ROBO2: variants seen among roughly 807,000 people sequenced by gnomAD.
The protein encoded by ROBO2 is roundabout guidance receptor 2, also known as roundabout homolog 2.
Under a neutral mutation model 160.8 loss-of-function variants are expected in ROBO2, and 53 were observed. The ratio of observed to expected loss-of-function variants is 0.33; its 90% CI spans 0.26 to 0.41. The LOEUF (loss-of-function observed/expected upper bound fraction) is 0.41, where lower values mean the gene tolerates loss of function less well. ROBO2 is among the 10% of genes least tolerant of loss of function. The probability of loss-of-function intolerance (pLI) is 1.00; values close to 1 mark genes in which losing one functional copy is unlikely to be tolerated. For synonymous variants in ROBO2, 664 were observed against 611.7 expected (o/e 1.09, Z -1.26); for missense variants, 1,577 against 1,722.4 (o/e 0.92, Z 1.49).
At chr3:76,342,024 A>ATTTTCAC (rs2074257964) in intron 2 of ROBO2, among the ~76,000 whole-genome samples, 1 of 152,144 alleles carries the variant, frequency 6.6e-6, no homozygotes, top group Non-Finnish European at 1.5e-5. Context: ...ATATTCCACA[A>ATTTTCAC]TGTTATGAAA....
intron 2 of ROBO2, among the ~76,000 whole-genome samples, chr3:76,696,379 CTCTT>C (rs1383147247): frequency 1.0e-5 from 1 of 95,248 alleles, no homozygotes; most frequent in Non-Finnish European, 2.0e-5. Context: ...TTAAATGGAT[CTCTT>C]TTTTTTTTTT....
At chr3:77,160,865 G>A (rs1311175755) in intron 2 of ROBO2, among the ~76,000 whole-genome samples, 1 of 152,168 alleles carries the variant, frequency 6.6e-6, no homozygotes, top group African/African-American at 2.4e-5. Context: ...GAACTTGAGT[G>A]TAAAATTGTA....
chr3:76,535,771 C>G (rs148033415), intron 2 of ROBO2, among the ~76,000 whole-genome samples: 2 of 152,164 alleles, frequency 1.3e-5, no homozygotes, highest in Non-Finnish European at 2.9e-5. Context: ...TGGAAACAGG[C>G]CCTTGAAAGA....
intron 2 of ROBO2, among the ~76,000 whole-genome samples, chr3:76,180,576 G>A (rs776296180): frequency 1.5e-4 from 23 of 151,906 alleles, no homozygotes; most frequent in Non-Finnish European, 3.2e-4. Flanking sequence ...CAAATCCAAC[G>A]GCAAGTCCTG....
At chr3:77,493,533 T>A in intron 5 of ROBO2, 151 bp downstream of exon 5, 1 of 839,406 alleles carries the variant, frequency 1.2e-6, no homozygotes, top group Non-Finnish European at 2.0e-6. Context: ...ATATTTACTG[T>A]TTGTATGTTA....
At chr3:76,734,130 C>T (rs539918482) in intron 2 of ROBO2, among the ~76,000 whole-genome samples, 4 of 152,194 alleles carry the variant, frequency 2.6e-5, no homozygotes, top group Admixed American at 6.5e-5. Flanking sequence ...CTTCAACATA[C>T]GAACATGGGG....
rs549678614 is a variant in ROBO2 at position 77,028,343 on chromosome 3, TCA to T, written c.110-69670_110-69669del. 2.0e-5 allele frequency among the ~76,000 whole-genome samples: 3 copies of T among 152,278 alleles called. No homozygotes were observed. The South Asian group carries it at 6.2e-4, about 32-fold the overall frequency. ...CGAAGTCACTTCATTTCTCAGAGCC[TCA>T]GTTTTCTTCATTCATAATGGATGTC... On this transcript the variant is annotated intron_variant, in intron 2 of 26. Coordinates refer to the ROBO2 transcript ENST00000487694.
intron 2 of ROBO2, chr3:76,433,929 T>C (rs1161608913): frequency 9.3e-6 from 6 of 646,288 alleles, no homozygotes; most frequent in Non-Finnish European, 1.1e-5. Context: ...TTTGAATTTA[T>C]TTATCCATCT....
At chr3:77,097,127 G>A (rs6785120) in intron 1 of ROBO2, among the ~76,000 whole-genome samples, 8,197 of 152,184 alleles carry the variant, frequency 0.054, 257 homozygotes, top group Middle Eastern at 0.13. Context: ...CTTGTCTCAG[G>A]CTCCAAGACT....
intron 2 of ROBO2, among the ~76,000 whole-genome samples, chr3:76,318,273 T>G (rs1421847355): frequency 6.6e-6 from 1 of 152,092 alleles, no homozygotes; most frequent in African/African-American, 2.4e-5. Flanking sequence ...TAGCAGACGG[T>G]TGCACCACTT....
chr3:77,634,535 G>A lies in ROBO2; in HGVS notation c.3761-335G>A, dbSNP rs2095230111. ...TAAGAAATAAAAACTGCATGAATTTGCATATATCTTTGACAATATCAATAA... is the reference window on the plus strand; with the variant it reads ...TAAGAAATAAAAACTGCATGAATTTACATATATCTTTGACAATATCAATAA... On this transcript the variant is annotated intron_variant, in intron 23 of 25. Transcript: ENST00000461745. 1.1e-5 allele frequency: 3 copies of A among 282,962 alleles called. No homozygotes were observed. The South Asian group carries it at 1.2e-4, about 12-fold the overall frequency. 17.5% of individuals were successfully genotyped at this position (282,962 alleles called of 1,614,324 possible). A position where few individuals can be genotyped will look rare whatever the true frequency, so the allele number is the denominator to read the frequency against.
intron 2 of ROBO2, among the ~76,000 whole-genome samples, chr3:76,875,325 C>G (rs1477342133): frequency 6.6e-6 from 1 of 152,192 alleles, no homozygotes; most frequent in Non-Finnish European, 1.5e-5. Flanking sequence ...AATTACCAGT[C>G]TCAGGTGTTT....
chr3:76,469,364 C>T (rs1341325016), intron 2 of ROBO2, among the ~76,000 whole-genome samples: 1 of 151,994 alleles, frequency 6.6e-6, no homozygotes, highest in Non-Finnish European at 1.5e-5. Context: ...CTTGTCATTC[C>T]TCAATTTGTC....
At chr3:76,070,723 G>A (rs1456541494) in intron 2 of ROBO2, among the ~76,000 whole-genome samples, 1 of 151,970 alleles carries the variant, frequency 6.6e-6, no homozygotes, top group Non-Finnish European at 1.5e-5. Flanking sequence ...GGAACCTACT[G>A]ACATGTGATG....
At chr3:77,205,528 G>T (rs1311969499) in intron 2 of ROBO2, among the ~76,000 whole-genome samples, 1 of 151,926 alleles carries the variant, frequency 6.6e-6, no homozygotes, top group Non-Finnish European at 1.5e-5. Context: ...GACATGGCAG[G>T]CCAAAAGGCA....
intron 2 of ROBO2, among the ~76,000 whole-genome samples, chr3:76,712,706 A>T (rs931613280): frequency 6.6e-6 from 1 of 151,872 alleles, no homozygotes; most frequent in Non-Finnish European, 1.5e-5. Flanking sequence ...ATTAAAAAAA[A>T]TTTAAATGAA....
intron 2 of ROBO2, among the ~76,000 whole-genome samples, chr3:76,823,938 G>A (rs1222900634): frequency 1.3e-5 from 2 of 152,166 alleles, no homozygotes; most frequent in African/African-American, 4.8e-5. Flanking sequence ...CACACAAAAT[G>A]ACAGTGGCTT....
intron 2 of ROBO2, among the ~76,000 whole-genome samples, chr3:76,564,197 C>T (rs1233946701): frequency 6.6e-6 from 1 of 152,220 alleles, no homozygotes; most frequent in Admixed American, 6.5e-5. Flanking sequence ...CACAGCAAGA[C>T]TCCGTCTCAA....
chr3:77,041,525 T>C (rs2064096302), intron 1 of ROBO2, among the ~76,000 whole-genome samples: 1 of 152,216 alleles, frequency 6.6e-6, no homozygotes, highest in South Asian at 2.1e-4. Context: ...CCCTCTAGGT[T>C]GAGTCAGTCT....
Sources: allele counts gnomAD v4.1 joint callset (sites outside exome capture counted in the v4.1 genomes callset), GRCh38; gene constraint gnomAD v4.1.1; transcripts MANE v1.5; gene names NCBI Gene and HGNC (gene_info 2026-07-23, HGNC 2026-07-21).